HEATR5B: variants seen among roughly 807,000 people sequenced by gnomAD.
HEATR5B encodes HEAT repeat containing 5B, also known as HEAT repeat-containing protein 5B.
HEATR5B carries 156 observed loss-of-function variants against 224.1 expected under a neutral mutation model. That is an observed-to-expected ratio of 0.70 (90% CI 0.61 to 0.80). The LOEUF is 0.80. Among genes scored for constraint, HEATR5B ranks in the 30% least tolerant of loss-of-function variants. The pLI, the probability that HEATR5B is intolerant of heterozygous loss-of-function variation, is 0.00. For missense variants in HEATR5B, 2,323 were observed against 2,535.5 expected (o/e 0.92, Z 1.80); for synonymous variants, 1,027 against 893.0 (o/e 1.15, Z -2.68).
At chr2:37,008,974 C>T (rs1324912963) in intron 27 of HEATR5B, 126 bp from the exon 28 acceptor site, 2 of 763,456 alleles carry the variant, frequency 2.6e-6, no homozygotes, top group Admixed American at 4.9e-5. Flanking sequence ...AAAGTATACA[C>T]TTTGGCTGGG....
At chr2:37,016,100 A>T (rs1668096468) in intron 26 of HEATR5B, among the ~76,000 whole-genome samples, 1 of 149,190 alleles carries the variant, frequency 6.7e-6, no homozygotes, top group Non-Finnish European at 1.5e-5. Flanking sequence ...CAATAATTAC[A>T]TGTCCTTACT....
At chr2:37,038,844 G>A (rs13425754) in intron 20 of HEATR5B, among the ~76,000 whole-genome samples, 21,673 of 144,218 alleles carry the variant, frequency 0.15, 1,777 homozygotes, top group African/African-American at 0.19. Flanking sequence ...AGGTTGTAGC[G>A]AGCTGAGATC....
At position 36,997,129 on chromosome 2, in the gene HEATR5B, T is replaced by C. The variant is rs548398628; in HGVS notation, c.5545+3457A>G. On this transcript the variant is annotated intron_variant, in intron 33 of 35. Coordinates refer to ENST00000233099, the MANE Select transcript of HEATR5B (RefSeq NM_019024.3). The stretch of plus-strand genomic sequence containing the variant: ...TATTATTGTCAGTTTTTCAGCTGTC[T>C]TTTTTTCATCTACCATTTAATGTAA... Among the ~76,000 whole-genome samples, 268 of 152,316 alleles carry C rather than the reference T, an allele frequency of 1.8e-3. 3 individuals carry two copies. Among genetic ancestry groups the C allele is most frequent in the African/African-American group, 6.2e-3 (259 of 41,576 alleles).
rs375653987 is a variant in HEATR5B at position 37,005,681 on chromosome 2, T to A, written c.4856A>T (p.His1619Leu). The change falls in exon 30 of 36, where the codon CAT (histidine) becomes CTT (leucine). Residue 1619 changes from histidine to leucine, a missense_variant. Transcript: ENST00000233099. ...AGCATAAGGGGAGTCTAGCAAGGTATGTAAGGCCTGCAGGCATGCTGTAAC... is the reference window on the plus strand; with the variant it reads ...AGCATAAGGGGAGTCTAGCAAGGTAAGTAAGGCCTGCAGGCATGCTGTAAC... ...EHVTACLQAL[H>L]TLLDSPYARV... The A allele has an allele frequency of 1.6e-4, 253 of 1,613,156 alleles. No homozygotes were observed. Among genetic ancestry groups the A allele is most frequent in the South Asian group, 2.9e-4 (26 of 91,054 alleles).
intron 35 of HEATR5B, among the ~76,000 whole-genome samples, chr2:36,984,215 A>AAAAAAAAAAAAAAAAAATATATATAT: frequency 5.2e-5 from 4 of 77,632 alleles, no homozygotes; most frequent in African/African-American, 1.2e-4. Flanking sequence ...AAAAAAAAAA[A>AAAAAAAAAAAAAAAAAATATATATAT]ATATATATAT....
At position 37,000,304 on chromosome 2, in the gene HEATR5B, T is replaced by C. The variant is rs553970714; in HGVS notation, c.5545+282A>G. ...GTTAATCAGGCTGGTCTCAAACTCCTGACCTCAGGTATCTGCCCACCTTGG... is the reference window on the plus strand; with the variant it reads ...GTTAATCAGGCTGGTCTCAAACTCCCGACCTCAGGTATCTGCCCACCTTGG... On this transcript the variant is annotated intron_variant, in intron 33 of 35. Coordinates refer to ENST00000233099, the MANE Select transcript of HEATR5B (RefSeq NM_019024.3). 2.5e-4 allele frequency among the ~76,000 whole-genome samples: 38 copies of C among 152,240 alleles called. No individual in the cohort carries two copies. In the South Asian group the frequency reaches 7.3e-3, roughly 29 times the overall value.
chr2:37,058,374 C>A (rs1400799988), intron 14 of HEATR5B, 77 bp downstream of exon 14: 1 of 812,290 alleles, frequency 1.2e-6, no homozygotes, highest in African/African-American at 1.7e-5. Context: ...AGTGGGAGAG[C>A]CTTTGTCAAG....
chr2:37,053,514 A>G lies in HEATR5B; in HGVS notation c.2493T>C (p.Leu831=). ...AVQLNIFTAV[L]SALKGLAENK... The stretch of plus-strand genomic sequence containing the variant: ...TAAAAGTAAATACCTTTAGTGCACT[A>G]AGAACAGCAGTAAATATGTTAAGCT... Residue 831 remains leucine, a synonymous_variant, in exon 17 of 36, where the codon CTT becomes CTC. Coordinates refer to ENST00000233099, the MANE Select transcript of HEATR5B (RefSeq NM_019024.3). The G allele has an allele frequency of 6.3e-7, 1 of 1,596,134 alleles. No homozygotes were observed. The highest frequency in any genetic ancestry group is 8.6e-7 in the Non-Finnish European group (1 of 1,167,750).
chr2:37,007,724 TCTC>T (rs1667523587), intron 28 of HEATR5B, among the ~76,000 whole-genome samples: 2 of 152,274 alleles, frequency 1.3e-5, no homozygotes, highest in South Asian at 4.1e-4. Context: ...CCAAAGGGCT[TCTC>T]CTCTTTATAA....
At chr2:37,036,661 G>A (rs998741155) in intron 21 of HEATR5B, among the ~76,000 whole-genome samples, 1 of 151,846 alleles carries the variant, frequency 6.6e-6, no homozygotes, top group African/African-American at 2.4e-5. Flanking sequence ...ATAGGCACCC[G>A]CCACCACCCC....
At chr2:37,042,131 A>AT (rs1349298179) in intron 18 of HEATR5B, among the ~76,000 whole-genome samples, 3 of 152,182 alleles carry the variant, frequency 2.0e-5, no homozygotes, top group Non-Finnish European at 4.4e-5. Flanking sequence ...CTCACATACA[A>AT]TATTCACCAA....
intron 2 of HEATR5B, 74 bp downstream of exon 2, chr2:37,083,213 CAT>C (rs1156400890): frequency 1.6e-5 from 24 of 1,525,344 alleles, no homozygotes; most frequent in Middle Eastern, 1.7e-4. Context: ...CAAAACATAA[CAT>C]GTGTTTTCTT....
rs762511776 is a variant in HEATR5B, at chr2:37,058,945, T to C, written c.1892A>G (p.Glu631Gly). The C allele has an allele frequency of 6.8e-6, 11 of 1,611,356 alleles. No individual in the cohort carries two copies. Among genetic ancestry groups the C allele is most frequent in the Non-Finnish European group, 7.6e-6 (9 of 1,178,370 alleles). ...GGTCATCAATTTTCGAATCACATCTTCAGTTAGTAGCTCAGGACAATGTGC... is the reference window on the plus strand; with the variant it reads ...GGTCATCAATTTTCGAATCACATCTCCAGTTAGTAGCTCAGGACAATGTGC... The part of the protein sequence containing the change: ...FVAHCPELLT[E>G]DVIRKLMTPI... The change falls in exon 13 of 36, where the codon GAA becomes GGA. Residue 631 changes from glutamate (E) to glycine (G), a missense_variant. Glu to Gly is a moderately conservative substitution (Grantham distance 98). Coordinates refer to ENST00000233099, the MANE Select transcript of HEATR5B (RefSeq NM_019024.3).
At chr2:37,060,364 C>T (rs767263743) in intron 12 of HEATR5B, among the ~76,000 whole-genome samples, 4 of 152,022 alleles carry the variant, frequency 2.6e-5, no homozygotes, top group Admixed American at 6.6e-5. Context: ...GTCTAACCAC[C>T]AGGTCTAAAC....
rs141061997 is a variant in HEATR5B, at chr2:37,058,508, T to C, written c.2002A>G (p.Met668Val). 5.6e-6 allele frequency: 9 copies of C among 1,613,472 alleles called. No individual in the cohort carries two copies. Among genetic ancestry groups the C allele is most frequent in the South Asian group, 2.2e-5 (2 of 91,076 alleles). ...ATATCATAAAGTCTTAAACGGACCA[T>C]TGCAGCACTAGCTTTCAGATGAGCT... ...HGAHLKASAA[M>V]VRLRLYDILA... The change falls in exon 14 of 36, where the codon ATG becomes GTG. Residue 668 changes from methionine (M) to valine (V), a missense_variant. Physicochemically the swap from Met to Val is conservative, Grantham distance 21 (BLOSUM62 1). This residue lies in a region of HEATR5B where 502 missense variants were observed against 517.8 expected (regional missense o/e 0.97). Transcript: ENST00000233099.
intron 33 of HEATR5B, 129 bp downstream of exon 33, chr2:37,000,457 T>C (rs1359450683): frequency 1.4e-6 from 1 of 693,052 alleles, no homozygotes; most frequent in East Asian, 2.7e-5. Flanking sequence ...ATCTGAAAGA[T>C]ATGACTAACA....
At chr2:37,049,901 T>C in intron 17 of HEATR5B, 58 bp from the exon 18 acceptor site, 24 of 1,437,144 alleles carry the variant, frequency 1.7e-5, no homozygotes, top group Non-Finnish European at 2.2e-5. Flanking sequence ...TATTATTATT[T>C]TTTTTTTAAG....
chr2:37,030,703 C>G (rs938296861), intron 22 of HEATR5B, among the ~76,000 whole-genome samples: 3 of 152,238 alleles, frequency 2.0e-5, no homozygotes, highest in African/African-American at 7.2e-5. Flanking sequence ...AAGAAAAATG[C>G]TATTTTATGA....
intron 30 of HEATR5B, 127 bp from the exon 31 acceptor site, chr2:37,003,813 T>A (rs1215984752): frequency 3.7e-6 from 2 of 544,582 alleles, no homozygotes; most frequent in Non-Finnish European, 6.0e-6. Context: ...AATATAGGAC[T>A]ACGTAACAAA....
Sources: gnomAD v4.1 joint callset for allele counts (sites outside exome capture counted in the v4.1 genomes callset) on GRCh38, gnomAD v4.1.1 for gene constraint, gnomAD v4.1.1 regional missense constraint, MANE v1.5 for transcripts, NCBI Gene and HGNC (gene_info 2026-07-23, HGNC 2026-07-21) for gene names.